The following CDK5RAP3 variants were observed in gnomAD, a reference collection of about 807,000 sequenced individuals.
CDK5RAP3 encodes the protein CDK5 regulatory subunit associated protein 3.
A neutral mutation model predicts 73.3 loss-of-function variants in CDK5RAP3; 58 were observed. That is an observed-to-expected ratio of 0.79 (90% CI 0.64 to 0.98). The LOEUF (loss-of-function observed/expected upper bound fraction) is 0.98, where lower values mean the gene tolerates loss of function less well. Among genes scored for constraint, CDK5RAP3 ranks in the 50% least tolerant of loss-of-function variants. CDK5RAP3 has a pLI of 0.00. For synonymous variants in CDK5RAP3, 224 were observed against 247.5 expected, an observed-to-expected ratio of 0.91 and a Z score of 0.89; for missense variants, 525 against 615.8, an observed-to-expected ratio of 0.85 and a Z score of 1.56.
chr17:47,978,750 C>T (rs2036482135), intron 10 of CDK5RAP3, 79 bp from the exon 11 acceptor site: 8 of 1,099,554 alleles, frequency 7.3e-6, no homozygotes, highest in East Asian at 2.4e-5. Flanking sequence ...TATTAATCCT[C>T]CAGGGCTTCT....
At chr17:47,973,340 C>G (rs541640246) in intron 2 of CDK5RAP3, among the ~76,000 whole-genome samples, 179 bp from the exon 3 acceptor site, 1 of 152,294 alleles carries the variant, frequency 6.6e-6, no homozygotes, top group Non-Finnish European at 1.5e-5. Context: ...ATTGTCAGAG[C>G]CTGGTTTAGC....
chr17:47,977,734 G>A lies in CDK5RAP3; in HGVS notation c.910-98G>A. On this transcript the variant is annotated intron_variant, in intron 9 of 13. Coordinates refer to ENST00000338399, the MANE Select transcript of CDK5RAP3 (RefSeq NM_176096.3). ...TGCAAATCCTTAATAGAGTTGGAAT[G>A]TGCAGCCATTGACCTCATCAAGGGC... 3.2e-6 allele frequency: 3 copies of A among 930,736 alleles called. No homozygotes were observed. In the South Asian group the frequency reaches 4.8e-5, roughly 15 times the overall value. 57.7% of individuals were successfully genotyped at this position (930,736 alleles called of 1,614,324 possible). A position where few individuals can be genotyped will look rare whatever the true frequency, so the allele number is the denominator to read the frequency against.
In CDK5RAP3 at chr17:47,976,028, G is replaced by T. The variant is rs1324264584; in HGVS notation, c.798+15G>T. 1.2e-6 allele frequency: 2 copies of T among 1,612,804 alleles called. No individual in the cohort carries two copies. The highest frequency in any genetic ancestry group is 8.5e-7 in the Non-Finnish European group (1 of 1,179,556). On this transcript the variant is annotated intron_variant, in intron 8 of 13. Transcript: ENST00000338399. ...CAGAAGATGCGGTAAGATGGGCCTT[G>T]TGATGAGCTGTAGGAGTGGAGTGGG...
chr17:47,975,419 C>T lies in CDK5RAP3; in HGVS notation c.513+82C>T, dbSNP rs986117308. 3.7e-6 allele frequency: 6 copies of T among 1,606,044 alleles called. No homozygotes were observed. In the African/African-American group the frequency reaches 8.0e-5, roughly 21 times the overall value. On this transcript the variant is annotated intron_variant, in intron 6 of 13. Coordinates refer to ENST00000338399, the MANE Select transcript of CDK5RAP3 (RefSeq NM_176096.3). ...CTCTGACCCCGTCTGACCCCTCAGC[C>T]TGGTTGCACCCCCTTTGGGCCAGTG...
chr17:47,975,974 C>T lies in CDK5RAP3; in HGVS notation c.759C>T (p.Pro253=). Residue 253 remains proline (P), a synonymous_variant, in exon 8 of 14, where the codon CCC becomes CCT. Transcript: ENST00000338399. ...TGTEPSVVER[P]HLEELPEQVA... is the part of the protein sequence containing the mutation. ...CAGAGCCCTCTGTGGTGGAACGACC[C>T]CACCTCGAGGAGCTTCCTGAGCAGG... 1.2e-6 allele frequency: 2 copies of T among 1,614,144 alleles called. No homozygotes were observed. Among genetic ancestry groups the T allele is most frequent in the Non-Finnish European group, 1.7e-6 (2 of 1,180,036 alleles).
intron 6 of CDK5RAP3, 44 bp from the exon 7 acceptor site, chr17:47,975,470 G>A (rs2036380970): frequency 1.2e-6 from 2 of 1,609,560 alleles, no homozygotes; most frequent in East Asian, 4.5e-5. Context: ...GTCTTTGGAT[G>A]TTTTCTTCAA....
intron 3 of CDK5RAP3, 86 bp downstream of exon 3, chr17:47,973,736 C>T: frequency 6.5e-7 from 1 of 1,544,660 alleles, no homozygotes; most frequent in Non-Finnish European, 8.8e-7. Context: ...ATTTAGCCAC[C>T]AGGGCTGGCC....
At chr17:47,971,957 T>C (rs1338457351) in intron 2 of CDK5RAP3, among the ~76,000 whole-genome samples, 1 of 152,146 alleles carries the variant, frequency 6.6e-6, no homozygotes, top group Non-Finnish European at 1.5e-5. Context: ...ATCTCACTAT[T>C]GCACTCCAGC....
upstream of CDK5RAP3, chr17:47,970,610 C>CA: frequency 6.7e-7 from 1 of 1,497,962 alleles, no homozygotes; most frequent in Non-Finnish European, 9.0e-7. Flanking sequence ...CAACACGTTG[C>CA]AGGTGCTCAA....
chr17:47,977,309 C>T lies in CDK5RAP3; in HGVS notation c.909+487C>T, dbSNP rs186593346. On this transcript the variant is annotated intron_variant, in intron 9 of 13. Coordinates refer to ENST00000338399, the MANE Select transcript of CDK5RAP3 (RefSeq NM_176096.3). ...GACTACAGGCGCCCGCCACCACGCC[C>T]GGCTAATTGTTTTGTATTTTTAGTA... is the stretch of plus-strand genomic sequence containing the variant. 2.6e-3 allele frequency among the ~76,000 whole-genome samples: 397 copies of T among 152,290 alleles called. 1 individual carries two copies. The highest frequency in any genetic ancestry group is 3.8e-3 in the Non-Finnish European group (256 of 68,024).
At chr17:47,977,440 G>A (rs1388687722) in intron 9 of CDK5RAP3, among the ~76,000 whole-genome samples, 1 of 152,128 alleles carries the variant, frequency 6.6e-6, no homozygotes, top group Non-Finnish European at 1.5e-5. Context: ...GAGCCACCGC[G>A]CCCGGCTAAT....
rs541395660 is a variant in CDK5RAP3, at chr17:47,977,990, C to T, written c.988+80C>T. ...ACGTGTCTAGAAACAAAAAATGCAG[C>T]GCTAAGATGAGGCTTCTTGCACATT... On this transcript the variant is annotated intron_variant, in intron 10 of 13. Transcript: ENST00000338399. 20 of 1,000,566 alleles carry T rather than the reference C, an allele frequency of 2.0e-5. No individual in the cohort carries two copies. The Middle Eastern group carries it at 6.5e-4, about 32-fold the overall frequency. The allele number at this position is 1,000,566 out of a possible 1,614,324, so 62.0% of individuals were successfully genotyped here.
intron 13 of CDK5RAP3, 28 bp from the exon 14 acceptor site, chr17:47,981,408 CT>C: frequency 4.3e-6 from 7 of 1,614,244 alleles, no homozygotes; most frequent in Non-Finnish European, 5.9e-6. Flanking sequence ...AGCACCCCTG[CT>C]TCTGCCCACT....
At chr17:47,970,805 C>T, upstream of CDK5RAP3, 1 of 1,434,444 alleles carries the variant, frequency 7.0e-7, no homozygotes, top group Non-Finnish European at 9.4e-7. Context: ...CCAGTGCCCG[C>T]CAGGGGAAGC....
upstream of CDK5RAP3, chr17:47,970,950 T>G: frequency 3.4e-6 from 5 of 1,454,410 alleles, no homozygotes; most frequent in Non-Finnish European, 3.6e-6. Flanking sequence ...CCTCCCGAGC[T>G]CAGCCATTCG....
intron 9 of CDK5RAP3, 30 bp from the exon 10 acceptor site, chr17:47,977,802 C>G: frequency 1.3e-6 from 2 of 1,590,220 alleles, no homozygotes; most frequent in Non-Finnish European, 8.6e-7. Flanking sequence ...ATTCTCCCCC[C>G]ATTGCTGTGG....
upstream of CDK5RAP3, among the ~76,000 whole-genome samples, chr17:47,968,389 A>C (rs2036210834): frequency 6.6e-6 from 1 of 152,148 alleles, no homozygotes; most frequent in African/African-American, 2.4e-5. Context: ...ATCTGGGCTC[A>C]TTGCAACCTC....
chr17:47,979,301 C>A, intron 11 of CDK5RAP3: 1 of 185,528 alleles, frequency 5.4e-6, no homozygotes, highest in Non-Finnish European at 1.1e-5. Context: ...TTGGAAAGGG[C>A]TATGGTTTTG....
intron 3 of CDK5RAP3, 118 bp downstream of exon 3, chr17:47,973,768 AT>A: frequency 7.3e-7 from 1 of 1,362,006 alleles, no homozygotes; most frequent in Non-Finnish European, 1.0e-6. Context: ...AGCGATTTTT[AT>A]TTGAGGTATA....
Sources: allele counts gnomAD v4.1 joint callset (sites outside exome capture counted in the v4.1 genomes callset), GRCh38; gene constraint gnomAD v4.1.1; transcripts MANE v1.5; gene names NCBI Gene and HGNC (gene_info 2026-07-23, HGNC 2026-07-21).